Variants in SEMA3F observed in about 807,000 individuals in gnomAD.
The protein encoded by SEMA3F is semaphorin-3F.
Under a neutral mutation model 98.5 loss-of-function variants are expected in SEMA3F, and 30 were observed. The observed-to-expected ratio is 0.30, with a 90% CI of 0.23 to 0.41. The LOEUF (loss-of-function observed/expected upper bound fraction) is 0.41. SEMA3F is among the 10% of genes least tolerant of loss of function. The probability of loss-of-function intolerance (pLI) is 1.00; values close to 1 mark genes in which losing one functional copy is unlikely to be tolerated. For missense variants in SEMA3F, 866 were observed against 1,119.3 expected, an observed-to-expected ratio of 0.77 and a Z score of 3.23; for synonymous variants, 380 against 444.8, an observed-to-expected ratio of 0.85 and a Z score of 1.83.
Position 50,173,879 on chromosome 3 carries a change from G to A in SEMA3F, c.199G>A (p.Asp67Asn), listed in dbSNP as rs767779495. 18 of 1,614,020 alleles carry A rather than the reference G, an allele frequency of 1.1e-5. No homozygotes were observed. The highest frequency in any genetic ancestry group is 2.7e-5 in the African/African-American group (2 of 74,924). The change falls in exon 3 of 19, where the codon GAC becomes AAC. Residue 67 changes from aspartate to asparagine, a missense_variant. Physicochemically the swap from Asp to Asn is conservative, Grantham distance 23. This residue lies in a region of SEMA3F where 247 missense variants were observed against 276.0 expected (regional missense o/e 0.89). Coordinates refer to ENST00000002829, the MANE Select transcript of SEMA3F (RefSeq NM_004186.5). The part of the protein sequence containing the change: ...YRILLKDEDH[D>N]RMYVGSKDYV... Reference sequence around the variant, plus strand: ...AATCTTGCTCAAGGACGAGGACCACGACCGCATGTACGTGGGCAGCAAGGA... The same window carrying A: ...AATCTTGCTCAAGGACGAGGACCACAACCGCATGTACGTGGGCAGCAAGGA...
rs764044538 is a variant in SEMA3F at position 50,182,327 on chromosome 3, T to C, written c.687T>C (p.Thr229=). 6.2e-7 allele frequency: 1 copy of C among 1,614,114 alleles called. No homozygotes were observed. The highest frequency in any genetic ancestry group is 1.1e-5 in the South Asian group (1 of 91,084). ...YAGVYIDFMG[T]DAAIFRTLGK... is the part of the protein sequence containing the mutation. ...GTGTGTACATCGATTTTATGGGCACTGATGCAGCCATCTTCCGCACACTTG... is the reference window on the plus strand; with the variant it reads ...GTGTGTACATCGATTTTATGGGCACCGATGCAGCCATCTTCCGCACACTTG... The change falls in exon 8 of 19, where the codon ACT becomes ACC. Residue 229 remains threonine, a synonymous_variant. Coordinates refer to ENST00000002829, the MANE Select transcript of SEMA3F (RefSeq NM_004186.5). The surrounding 1 kb of genome is among the most constrained non-coding windows in gnomAD (Gnocchi z 4.5).
intron 3 of SEMA3F, 38 bp from the exon 4 acceptor site, chr3:50,174,012 ATG>A: frequency 6.2e-7 from 1 of 1,614,002 alleles, no homozygotes; most frequent in Non-Finnish European, 8.5e-7. Flanking sequence ...GGCTCAGGGC[ATG>A]TCCAGAAGGC....
At chr3:50,162,629 A>G (rs750162256) in intron 2 of SEMA3F, among the ~76,000 whole-genome samples, 15 of 152,128 alleles carry the variant, frequency 9.9e-5, no homozygotes, top group Admixed American at 2.0e-4. Flanking sequence ...GCTCTGGGGC[A>G]CCACCTCCCT....
chr3:50,162,053 G>A (rs1234360502), intron 2 of SEMA3F, among the ~76,000 whole-genome samples: 1 of 152,214 alleles, frequency 6.6e-6, no homozygotes. Flanking sequence ...TTTTTCATCT[G>A]TGCCTTGGAT....
intron 2 of SEMA3F, among the ~76,000 whole-genome samples, chr3:50,165,650 A>G (rs1451754452): frequency 1.3e-5 from 2 of 152,246 alleles, no homozygotes; most frequent in Non-Finnish European, 2.9e-5. Context: ...TTGGAGAAGC[A>G]GAGAGGATTC....
Position 50,187,868 on chromosome 3 carries a change from C to T in SEMA3F, c.2111C>T (p.Ala704Val), listed in dbSNP as rs770318868. 6.2e-7 allele frequency: 1 copy of T among 1,613,066 alleles called. No homozygotes were observed. The highest frequency in any genetic ancestry group is 1.1e-5 in the South Asian group (1 of 91,064). Residue 704 changes from alanine to valine, a missense_variant, in exon 19 of 19, where the codon GCT becomes GTT. Ala to Val is a moderately conservative substitution (Grantham distance 64). Transcript: ENST00000002829. ...LHVLGRDAVH[A>V]ALFPPLSMSA... ...GTACTGGGCCGGGACGCCGTCCATG[C>T]TGCCCTCTTCCCACCACTGTCCATG...
Position 50,182,163 on chromosome 3 carries a change from A to T in SEMA3F, c.644-121A>T. 8.0e-7 allele frequency: 1 copy of T among 1,257,410 alleles called. No homozygotes were observed. Among genetic ancestry groups the T allele is most frequent in the Non-Finnish European group, 1.1e-6 (1 of 879,664 alleles). The allele number at this position is 1,257,410 out of a possible 1,614,324, so 77.9% of individuals were successfully genotyped here. On this transcript the variant is annotated intron_variant, in intron 7 of 18. Transcript: ENST00000002829. The surrounding 1 kb of genome is among the most constrained non-coding windows in gnomAD (Gnocchi z 4.5). ...AACACTGACCAGCACTCCACTGGAG[A>T]TAGGATCATGCCCCAGGGAGCCTGA...
At chr3:50,171,460 G>T (rs1351796295) in intron 2 of SEMA3F, among the ~76,000 whole-genome samples, 2 of 152,118 alleles carry the variant, frequency 1.3e-5, no homozygotes, top group Non-Finnish European at 2.9e-5. Flanking sequence ...CCCTTACCCG[G>T]AGTGCCCGTG....
At chr3:50,186,388 T>G (rs1699214623) in intron 17 of SEMA3F, 40 bp downstream of exon 17, 1 of 1,591,792 alleles carries the variant, frequency 6.3e-7, no homozygotes, top group East Asian at 2.2e-5. Flanking sequence ...CTGCTCACAC[T>G]GCAGAAGTCC....
In SEMA3F at chr3:50,173,930, G is replaced by A. The variant is rs746523630; in HGVS notation, c.250G>A (p.Asp84Asn). 18 of 1,614,006 alleles carry A rather than the reference G, an allele frequency of 1.1e-5. No homozygotes were observed. In the East Asian group the frequency reaches 1.8e-4, roughly 16 times the overall value. ...KDYVLSLDLH[D>N]INREPLIIHW... ...CTACGTGCTGTCCCTGGACCTGCACGACATCAACCGCGAGCCCCTCATTGT... is the reference window on the plus strand; with the variant it reads ...CTACGTGCTGTCCCTGGACCTGCACAACATCAACCGCGAGCCCCTCATTGT... Residue 84 changes from aspartate (D) to asparagine (N), a missense_variant, in exon 3 of 19, where the codon GAC becomes AAC. Asp to Asn is a conservative substitution (Grantham distance 23). Transcript: ENST00000002829.
In SEMA3F at chr3:50,188,174, G is replaced by GATAGAT. The variant is rs148259784; in HGVS notation, c.*62_*63insGATATA. ...AGCCCTTGTCCCTTTTAATATAAAA[G>GATAGAT]ATATATATATATATATATATATATA... On this transcript the variant is annotated 3_prime_UTR_variant, in exon 19 of 19. Coordinates refer to ENST00000002829, the MANE Select transcript of SEMA3F (RefSeq NM_004186.5). The surrounding 1 kb of genome is among the most constrained non-coding windows in gnomAD (Gnocchi z 4.5). The GATAGAT allele has an allele frequency of 6.0e-5, 18 of 299,264 alleles. No homozygotes were observed. In the Admixed American group the frequency reaches 6.5e-4, roughly 11 times the overall value. 18.5% of individuals were successfully genotyped at this position (299,264 alleles called of 1,614,324 possible).
rs1356913525 is a variant in SEMA3F at position 50,158,644 on chromosome 3, C to A, written c.-48-931C>A. Among the ~76,000 whole-genome samples the A allele has an allele frequency of 1.3e-5, 2 of 152,212 alleles. No homozygotes were observed. The highest frequency in any genetic ancestry group is 1.3e-4 in the Admixed American group (2 of 15,294). Reference sequence around the variant, plus strand: ...GGGGCTCACATTTTCAGTCTCGATGCCCCCACCCGCAGTGCATCCGGTTGG... The same window carrying A: ...GGGGCTCACATTTTCAGTCTCGATGACCCCACCCGCAGTGCATCCGGTTGG... On this transcript the variant is annotated intron_variant, in intron 1 of 18. Transcript: ENST00000002829. The surrounding 1 kb of genome is among the most constrained non-coding windows in gnomAD (Gnocchi z 4.8).
chr3:50,155,536 G>A lies in SEMA3F; in HGVS notation c.-77G>A. ...CGCTCCGTGCCGCCGCCGCCGCCCGGGCGCCCAGGCCCCGCCGCTGCGGAA... is the reference window on the plus strand; with the variant it reads ...CGCTCCGTGCCGCCGCCGCCGCCCGAGCGCCCAGGCCCCGCCGCTGCGGAA... On this transcript the variant is annotated 5_prime_UTR_variant, in exon 1 of 19. Coordinates refer to ENST00000002829, the MANE Select transcript of SEMA3F (RefSeq NM_004186.5). The surrounding 1 kb of genome is among the most constrained non-coding windows in gnomAD (Gnocchi z 4.9). 1 of 318,370 alleles carries A rather than the reference G, an allele frequency of 3.1e-6. No individual in the cohort carries two copies. The highest frequency in any genetic ancestry group is 5.7e-6 in the Non-Finnish European group (1 of 174,524). The allele number at this position is 318,370 out of a possible 1,614,324, so 19.7% of individuals were successfully genotyped here.
chr3:50,159,945 C>T (rs753099700), intron 2 of SEMA3F, among the ~76,000 whole-genome samples: 3 of 152,156 alleles, frequency 2.0e-5, no homozygotes, highest in African/African-American at 4.8e-5. Flanking sequence ...CAAAAGAGTC[C>T]AGAGTCTGGG....
chr3:50,181,078 AAAAG>A (rs1214758868), intron 7 of SEMA3F, among the ~76,000 whole-genome samples: 23 of 151,976 alleles, frequency 1.5e-4, no homozygotes, highest in Admixed American at 7.9e-4. Flanking sequence ...AAAAAAAAAA[AAAAG>A]AAGAATTACC....
At chr3:50,184,497 T>C in intron 12 of SEMA3F, 95 bp from the exon 13 acceptor site, 1 of 842,748 alleles carries the variant, frequency 1.2e-6, no homozygotes, top group East Asian at 2.6e-5. Flanking sequence ...GTTGAGGTAG[T>C]GGGGACAGAC....
Position 50,155,370 on chromosome 3 carries a change from C to T in SEMA3F, c.-243C>T, listed in dbSNP as rs1697933158. ...TGGCCCGGGCTGGGGCCCGGGCCCT[C>T]GGCTGCTGACGCGCCCGAAGCCCGC... is the stretch of plus-strand genomic sequence containing the variant. On this transcript the variant is annotated 5_prime_UTR_variant, in exon 1 of 19. Coordinates refer to ENST00000002829, the MANE Select transcript of SEMA3F (RefSeq NM_004186.5). This position sits in a 1 kb window ranked among gnomAD's most constrained non-coding sequence, Gnocchi z 4.9. The T allele has an allele frequency of 3.4e-6, 1 of 290,118 alleles. No individual in the cohort carries two copies. Among genetic ancestry groups the T allele is most frequent in the Non-Finnish European group, 6.3e-6 (1 of 159,006 alleles). 18.0% of individuals were successfully genotyped at this position (290,118 alleles called of 1,614,324 possible). A position where few individuals can be genotyped will look rare whatever the true frequency, so the allele number is the denominator to read the frequency against.
intron 7 of SEMA3F, among the ~76,000 whole-genome samples, chr3:50,181,118 C>T (rs2109107549): frequency 6.6e-6 from 1 of 150,970 alleles, no homozygotes; most frequent in East Asian, 1.9e-4. Flanking sequence ...CACAGAGACA[C>T]AAAGTAAGCA....
At chr3:50,162,885 G>A in intron 2 of SEMA3F, among the ~76,000 whole-genome samples, 1 of 152,220 alleles carries the variant, frequency 6.6e-6, no homozygotes, top group East Asian at 1.9e-4. Context: ...CCTGCCAGGG[G>A]AGGTCAGGAA....
Sources: gnomAD v4.1 joint callset for allele counts (sites outside exome capture counted in the v4.1 genomes callset) on GRCh38, gnomAD v4.1.1 for gene constraint, gnomAD v4.1.1 regional missense constraint, Gnocchi (gnomAD v3.1) non-coding constraint, MANE v1.5 for transcripts, NCBI Gene and HGNC (gene_info 2026-07-23, HGNC 2026-07-21) for gene names.